DRC11: variants seen among roughly 807,000 people sequenced by gnomAD.
DRC11 encodes IQ and AAA domain-containing protein 1.
chr2:236,365,285 C>T, the DRC11 span, among the ~76,000 whole-genome samples: 1 of 151,958 alleles, frequency 6.6e-6, no homozygotes, highest in African/African-American at 2.4e-5. The surrounding 1 kb of genome is among the most constrained non-coding windows in gnomAD (Gnocchi z 7.4). Context: ...TCCAGGAGAG[C>T]CACAGGGAGT....
the DRC11 span, among the ~76,000 whole-genome samples, chr2:236,310,659 A>G: frequency 1.8e-4 from 27 of 152,212 alleles, no homozygotes; most frequent in African/African-American, 6.3e-4. This position sits in a 1 kb window ranked among gnomAD's most constrained non-coding sequence, Gnocchi z 5.5. Flanking sequence ...GGGCTGCGTA[A>G]CAAAAGGCCC....
the DRC11 span, among the ~76,000 whole-genome samples, chr2:236,311,211 C>T: frequency 1.3e-5 from 2 of 152,212 alleles, no homozygotes; most frequent in African/African-American, 4.8e-5. The surrounding 1 kb of genome is among the most constrained non-coding windows in gnomAD (Gnocchi z 6.9). Flanking sequence ...GATCTCCCCA[C>T]CCTTCTGAGC....
chr2:236,465,450 T>C, the DRC11 span: 1 of 1,454,304 alleles, frequency 6.9e-7, no homozygotes, highest in Non-Finnish European at 9.6e-7. The surrounding 1 kb of genome is among the most constrained non-coding windows in gnomAD (Gnocchi z 6.2). Flanking sequence ...AAACATACAA[T>C]AACCTCAGCC....
the DRC11 span, among the ~76,000 whole-genome samples, chr2:236,418,091 G>C: frequency 2.0e-5 from 3 of 152,190 alleles, no homozygotes; most frequent in African/African-American, 7.2e-5. Flanking sequence ...GTATATACCA[G>C]TAATGGGATT....
the DRC11 span, among the ~76,000 whole-genome samples, chr2:236,489,158 A>G: frequency 7.4e-6 from 1 of 135,182 alleles, no homozygotes; most frequent in Admixed American, 7.6e-5. Flanking sequence ...CTCCGGGTGC[A>G]TGCTGGGGCC....
chr2:236,467,838 A>C, the DRC11 span, among the ~76,000 whole-genome samples: 3 of 152,228 alleles, frequency 2.0e-5, no homozygotes, highest in African/African-American at 7.2e-5. Flanking sequence ...TCATAAACTA[A>C]AATAAATTTT....
chr2:236,434,596 G>A, the DRC11 span, among the ~76,000 whole-genome samples: 926 of 152,256 alleles, frequency 6.1e-3, 9 homozygotes, highest in African/African-American at 0.021. This position sits in a 1 kb window ranked among gnomAD's most constrained non-coding sequence, Gnocchi z 5.5. Context: ...GGTCTAGTGT[G>A]TGGGGGAACT....
At chr2:236,425,913 T>C in the DRC11 span, among the ~76,000 whole-genome samples, 20 of 152,074 alleles carry the variant, frequency 1.3e-4, no homozygotes, top group Non-Finnish European at 2.2e-4. Flanking sequence ...TTGTGTGTTC[T>C]TGACACCTTT....
chr2:236,408,250 T>C, the DRC11 span: 3 of 849,760 alleles, frequency 3.5e-6, no homozygotes, highest in South Asian at 2.6e-5. This position sits in a 1 kb window ranked among gnomAD's most constrained non-coding sequence, Gnocchi z 5.5. Context: ...AGTGCGGTGA[T>C]GGTAGCCTTT....
the DRC11 span, among the ~76,000 whole-genome samples, chr2:236,391,801 A>T: frequency 6.6e-6 from 1 of 152,324 alleles, no homozygotes; most frequent in South Asian, 2.1e-4. This position sits in a 1 kb window ranked among gnomAD's most constrained non-coding sequence, Gnocchi z 4.5. Flanking sequence ...TTATGAATCC[A>T]CAGGCCCAAA....
chr2:236,347,508 C>CTATATATA, the DRC11 span, among the ~76,000 whole-genome samples: 528 of 107,532 alleles, frequency 4.9e-3, 32 homozygotes, highest in African/African-American at 0.016. Flanking sequence ...AAAAACTGTG[C>CTATATATA]TATATATATA....
At chr2:236,451,827 G>T in the DRC11 span, among the ~76,000 whole-genome samples, 1 of 152,190 alleles carries the variant, frequency 6.6e-6, no homozygotes, top group Non-Finnish European at 1.5e-5. Context: ...TTAGCTGTGC[G>T]ATTTGGGCAA....
the DRC11 span, chr2:236,497,293 C>G: frequency 2.0e-5 from 33 of 1,613,792 alleles, no homozygotes; most frequent in South Asian, 3.1e-4. This position sits in a 1 kb window ranked among gnomAD's most constrained non-coding sequence, Gnocchi z 5.1. Context: ...GATCAGTATT[C>G]GTTTCTGGGG....
the DRC11 span, among the ~76,000 whole-genome samples, chr2:236,417,705 T>C: frequency 9.7e-4 from 147 of 152,196 alleles, no homozygotes; most frequent in African/African-American, 3.1e-3. Context: ...ATTAGGTATT[T>C]GTCCTAATGC....
At chr2:236,465,745 ATAAAAGT>A in the DRC11 span, 1 of 1,353,334 alleles carries the variant, frequency 7.4e-7, no homozygotes, top group South Asian at 1.2e-5. The surrounding 1 kb of genome is among the most constrained non-coding windows in gnomAD (Gnocchi z 6.2). Context: ...GTTTGAGGTC[ATAAAAGT>A]TACAGAGTTG....
At chr2:236,493,746 T>C in the DRC11 span, 1 of 1,558,832 alleles carries the variant, frequency 6.4e-7, no homozygotes, top group East Asian at 2.3e-5. Context: ...TGGATTAATG[T>C]TTGTTAAAAT....
At chr2:236,316,879 T>C in the DRC11 span, among the ~76,000 whole-genome samples, 1 of 152,190 alleles carries the variant, frequency 6.6e-6, no homozygotes, top group Non-Finnish European at 1.5e-5. The surrounding 1 kb of genome is among the most constrained non-coding windows in gnomAD (Gnocchi z 6.8). Context: ...GTGATGATGC[T>C]CTGGGGCGAG....
At chr2:236,497,267 C>T in the DRC11 span, 9 of 1,613,808 alleles carry the variant, frequency 5.6e-6, no homozygotes, top group East Asian at 4.5e-5. This position sits in a 1 kb window ranked among gnomAD's most constrained non-coding sequence, Gnocchi z 5.1. Flanking sequence ...CCCATCACCC[C>T]GTCCAGGACT....
At chr2:236,389,244 G>A in the DRC11 span, among the ~76,000 whole-genome samples, 2 of 152,208 alleles carry the variant, frequency 1.3e-5, no homozygotes, top group Admixed American at 1.3e-4. Flanking sequence ...GGCAATGGCG[G>A]GCGCCCCTCC....
Sources: gnomAD v4.1 joint callset for allele counts (sites outside exome capture counted in the v4.1 genomes callset) on GRCh38, gnomAD v4.1.1 for gene constraint, Gnocchi (gnomAD v3.1) non-coding constraint, MANE v1.5 for transcripts, NCBI Gene and HGNC (gene_info 2026-07-23, HGNC 2026-07-21) for gene names.